The following DAPK2 variants were observed in gnomAD, a reference collection of about 807,000 sequenced individuals.
DAPK2 encodes the protein death-associated protein kinase 2.
Under a neutral mutation model 44.1 loss-of-function variants are expected in DAPK2, and 35 were observed. That is an observed-to-expected ratio of 0.79 (90% CI 0.61 to 1.05). The LOEUF is 1.05. Ranked by LOEUF, DAPK2 falls within the 50% of genes least tolerant of loss-of-function variation. DAPK2 has a pLI of 0.00. For missense variants in DAPK2, 453 were observed against 483.2 expected (o/e 0.94, Z 0.59); for synonymous variants, 174 against 182.6 (o/e 0.95, Z 0.38).
intron 3 of DAPK2, among the ~76,000 whole-genome samples, chr15:63,969,143 G>T (rs2078137501): frequency 6.6e-6 from 1 of 152,144 alleles, no homozygotes; most frequent in Non-Finnish European, 1.5e-5. Context: ...TGACAGCCAG[G>T]AGCAGTGGCT....
intron 4 of DAPK2, among the ~76,000 whole-genome samples, chr15:63,931,070 A>G (rs1029060215): frequency 2.3e-4 from 35 of 152,236 alleles, no homozygotes; most frequent in East Asian, 3.9e-4. Context: ...TCTTAAAAAA[A>G]AGAGAAAGAA....
chr15:63,914,416 G>A (rs1413812966), intron 8 of DAPK2, among the ~76,000 whole-genome samples: 1 of 152,148 alleles, frequency 6.6e-6, no homozygotes, highest in Non-Finnish European at 1.5e-5. Context: ...CAAGGCTGCC[G>A]GAGGAACCAG....
chr15:64,036,321 A>ATATATATATATATG, intron 1 of DAPK2, among the ~76,000 whole-genome samples: 1 of 108,564 alleles, frequency 9.2e-6, no homozygotes, highest in East Asian at 5.4e-4. Flanking sequence ...ATATATATGT[A>ATATATATATATATG]TATATATATA....
At chr15:64,004,865 C>A (rs1450626299) in intron 1 of DAPK2, among the ~76,000 whole-genome samples, 1 of 152,240 alleles carries the variant, frequency 6.6e-6, no homozygotes, top group Admixed American at 6.5e-5. Flanking sequence ...TCTGACCTTA[C>A]ACTCTTGGCT....
chr15:63,953,081 C>T (rs530919656), intron 3 of DAPK2, among the ~76,000 whole-genome samples: 17 of 152,202 alleles, frequency 1.1e-4, no homozygotes, highest in Non-Finnish European at 2.4e-4. Context: ...GTTCCCATCA[C>T]TTGAGTAGTA....
chr15:63,994,444 AGG>A (rs2078896525), intron 1 of DAPK2, among the ~76,000 whole-genome samples: 2 of 151,000 alleles, frequency 1.3e-5, no homozygotes, highest in South Asian at 4.2e-4. Context: ...GAAGGAAGGA[AGG>A]AAGGAAGGAA....
At chr15:63,910,023 T>C (rs1161473000) in intron 10 of DAPK2, among the ~76,000 whole-genome samples, 1 of 152,142 alleles carries the variant, frequency 6.6e-6, no homozygotes, top group African/African-American at 2.4e-5. Flanking sequence ...AGCCCGGCTA[T>C]AACAATAAAA....
intron 3 of DAPK2, among the ~76,000 whole-genome samples, chr15:63,950,651 G>A (rs1043328794): frequency 1.3e-5 from 2 of 152,200 alleles, no homozygotes; most frequent in East Asian, 1.9e-4. Flanking sequence ...TAAGAAATCC[G>A]TAATGTTAGA....
At chr15:63,981,087 C>G (rs2078495685) in intron 2 of DAPK2, among the ~76,000 whole-genome samples, 1 of 43,188 alleles carries the variant, frequency 2.3e-5, no homozygotes, top group Non-Finnish European at 7.3e-5. Flanking sequence ...GAGACTCCAT[C>G]TCAAAAAAAA....
intron 5 of DAPK2, chr15:63,929,873 T>C (rs1261269376): frequency 7.1e-6 from 4 of 565,448 alleles, no homozygotes; most frequent in Non-Finnish European, 1.3e-5. Context: ...CCTTCCCCCC[T>C]TGTAAAATGA....
chr15:64,024,290 C>T (rs2079772531), intron 1 of DAPK2, among the ~76,000 whole-genome samples: 1 of 152,188 alleles, frequency 6.6e-6, no homozygotes, highest in South Asian at 2.1e-4. Flanking sequence ...GGAGGTGCAG[C>T]CTTGTCTCGA....
At chr15:63,974,743 T>C (rs1278308177) in intron 2 of DAPK2, among the ~76,000 whole-genome samples, 1 of 152,186 alleles carries the variant, frequency 6.6e-6, no homozygotes, top group Non-Finnish European at 1.5e-5. Flanking sequence ...AGAATATAGA[T>C]TTTTCCCACA....
intron 1 of DAPK2, among the ~76,000 whole-genome samples, chr15:63,985,816 G>C (rs531110176): frequency 1.3e-5 from 2 of 152,318 alleles, no homozygotes; most frequent in African/African-American, 4.8e-5. Flanking sequence ...GAGGGAAACA[G>C]TGGCATTTTT....
At chr15:63,972,717 T>TA (rs1363651034) in intron 2 of DAPK2, among the ~76,000 whole-genome samples, 1 of 152,116 alleles carries the variant, frequency 6.6e-6, no homozygotes, top group Non-Finnish European at 1.5e-5. Flanking sequence ...CTTGACTACT[T>TA]AAAGTAAAAT....
At position 64,033,286 on chromosome 15, in the gene DAPK2, GGGGAAGGAAGGAAGGAAGGA is replaced by G. The variant is rs2080076879; in HGVS notation, c.92+6864_92+6883del. Among the ~76,000 whole-genome samples, 88 of 97,882 alleles carry G rather than the reference GGGGAAGGAAGGAAGGAAGGA, an allele frequency of 9.0e-4. 1 individual carries two copies. Among genetic ancestry groups the G allele is most frequent in the African/African-American group, 3.3e-3 (63 of 19,032 alleles). 64.2% of individuals were successfully genotyped at this position (97,882 alleles called of 152,430 possible). Reference sequence around the variant, plus strand: ...GGGAGGGGGAGGGGGAAGGGGGAAGGGGGAAGGAAGGAAGGAAGGAAGGAAGGAAGGAAGGAAGGAAAAAA... The same window carrying G: ...GGGAGGGGGAGGGGGAAGGGGGAAGGAGGAAGGAAGGAAGGAAGGAAAAAA... On this transcript the variant is annotated intron_variant, in intron 1 of 10. Coordinates refer to ENST00000261891, the Ensembl canonical transcript of DAPK2.
At chr15:63,971,281 C>T in intron 3 of DAPK2, 142 bp downstream of exon 4, 1 of 1,064,320 alleles carries the variant, frequency 9.4e-7, no homozygotes, top group South Asian at 1.6e-5. Context: ...GTGGCATCAT[C>T]TTTCCCATGA....
intron 1 of DAPK2, among the ~76,000 whole-genome samples, chr15:64,022,588 G>A (rs1013264112): frequency 2.6e-5 from 4 of 152,166 alleles, no homozygotes; most frequent in African/African-American, 4.8e-5. Flanking sequence ...AGACTGAGGC[G>A]GGTGAACACT....
intron 7 of DAPK2, among the ~76,000 whole-genome samples, chr15:63,925,602 A>T (rs1012103362): frequency 6.6e-6 from 1 of 150,934 alleles, no homozygotes; most frequent in Non-Finnish European, 1.5e-5. Context: ...AAACTTTTCA[A>T]ATCTGAATTC....
rs567480848 is a variant in DAPK2, at chr15:63,989,469, C to T, written c.93-5715G>A. Among the ~76,000 whole-genome samples the T allele has an allele frequency of 3.5e-3, 536 of 152,264 alleles. 3 individuals are homozygous for T. Among genetic ancestry groups the T allele is most frequent in the Non-Finnish European group, 6.4e-3 (433 of 68,014 alleles). On this transcript the variant is annotated intron_variant, in intron 1 of 10. Coordinates refer to ENST00000261891, the Ensembl canonical transcript of DAPK2. ...GGAACAGGGCTAGGACACAGATCCA[C>T]GTCACTGACTCCGGCTACAATGAGG...
Sources: allele counts gnomAD v4.1 joint callset (sites outside exome capture counted in the v4.1 genomes callset), GRCh38; gene constraint gnomAD v4.1.1; transcripts MANE v1.5; gene names NCBI Gene and HGNC (gene_info 2026-07-23, HGNC 2026-07-21).